Variants in CDH18 observed in about 807,000 individuals in gnomAD.
The protein encoded by CDH18 is cadherin 18, also known as cadherin-18.
CDH18 carries 31 observed loss-of-function variants against 67.9 expected under a neutral mutation model. The observed-to-expected ratio is 0.46, with a 90% CI of 0.34 to 0.62. CDH18 has a LOEUF of 0.62. CDH18 is among the 20% of genes least tolerant of loss of function. CDH18 has a pLI of 0.01. For synonymous variants in CDH18, 362 were observed against 347.2 expected, an observed-to-expected ratio of 1.04 and a Z score of -0.48; for missense variants, 890 against 975.5, an observed-to-expected ratio of 0.91 and a Z score of 1.17.
chr5:19,702,676 G>A (rs944511801), intron 5 of CDH18, among the ~76,000 whole-genome samples: 4 of 152,006 alleles, frequency 2.6e-5, no homozygotes, highest in Non-Finnish European at 5.9e-5. Context: ...GCTGACTCAC[G>A]AGAATCACTT....
intron 1 of CDH18, chr5:20,331,519 T>C (rs1739185981): frequency 6.6e-6 from 1 of 152,206 alleles, no homozygotes; most frequent in African/African-American, 2.4e-5. Context: ...GAAAGTCCTA[T>C]TGTATATTCA....
intron 1 of CDH18, among the ~76,000 whole-genome samples, chr5:20,491,825 G>A (rs2126389520): frequency 6.6e-6 from 1 of 152,204 alleles, no homozygotes; most frequent in East Asian, 1.9e-4. Context: ...GGACACTACT[G>A]CCTAGCCACA....
chr5:19,914,020 T>C (rs768916585), intron 2 of CDH18, among the ~76,000 whole-genome samples: 4 of 152,128 alleles, frequency 2.6e-5, no homozygotes, highest in Non-Finnish European at 5.9e-5. Context: ...ATTAGGATCA[T>C]AGAGCAGATA....
At chr5:19,475,660 T>C (rs1443953000) in intron 12 of CDH18, among the ~76,000 whole-genome samples, 1 of 152,056 alleles carries the variant, frequency 6.6e-6, no homozygotes, top group African/African-American at 2.4e-5. Flanking sequence ...CCAAATATTA[T>C]TATATTATTC....
At chr5:20,175,725 T>C (rs890513778) in intron 2 of CDH18, among the ~76,000 whole-genome samples, 1 of 152,084 alleles carries the variant, frequency 6.6e-6, no homozygotes, top group Admixed American at 6.6e-5. Context: ...CAGAGAAAGA[T>C]GTAGGCTGGG....
At chr5:19,539,106 A>G (rs1265682880) in intron 9 of CDH18, among the ~76,000 whole-genome samples, 1 of 152,200 alleles carries the variant, frequency 6.6e-6, no homozygotes, top group Non-Finnish European at 1.5e-5. Context: ...TCATTTCTAA[A>G]TACAGTCTCC....
In CDH18 at chr5:20,421,826, T is replaced by C. The variant is rs189846986; in HGVS notation, c.-580+153636A>G. Among the ~76,000 whole-genome samples the C allele has an allele frequency of 5.5e-3, 769 of 138,658 alleles. 15 individuals carry two copies. The highest frequency in any genetic ancestry group is 0.048 in the Admixed American group (640 of 13,302). The allele number at this position is 138,658 out of a possible 152,430, so 91.0% of individuals were successfully genotyped here. ...CATAAATTATATATGTATATATCAA[T>C]CATATATATATATATACACATGTAT... On this transcript the variant is annotated intron_variant, in intron 1 of 14. Transcript: ENST00000507958.
intron 2 of CDH18, among the ~76,000 whole-genome samples, chr5:20,162,482 T>C (rs1018366478): frequency 3.9e-5 from 5 of 129,702 alleles, no homozygotes; most frequent in Non-Finnish European, 7.9e-5. Flanking sequence ...TATATGGTAA[T>C]AGACATATAT....
intron 7 of CDH18, among the ~76,000 whole-genome samples, chr5:19,587,927 A>AT (rs1744453726): frequency 6.6e-6 from 1 of 151,674 alleles, no homozygotes; most frequent in African/African-American, 2.4e-5. Context: ...TGAGCATGGA[A>AT]TTTTTTTCGT....
chr5:20,024,496 T>C (rs140550438), intron 2 of CDH18, among the ~76,000 whole-genome samples: 3 of 152,206 alleles, frequency 2.0e-5, no homozygotes, highest in East Asian at 1.9e-4. Context: ...TTTTAAACTA[T>C]AGAAACATGT....
chr5:19,531,609 T>C (rs915612425), intron 9 of CDH18, among the ~76,000 whole-genome samples: 1 of 148,706 alleles, frequency 6.7e-6, no homozygotes, highest in Non-Finnish European at 1.5e-5. Context: ...ATGTGTGTTC[T>C]CACACACACA....
At chr5:20,171,505 T>C (rs1391307222) in intron 2 of CDH18, among the ~76,000 whole-genome samples, 1 of 152,046 alleles carries the variant, frequency 6.6e-6, no homozygotes, top group Non-Finnish European at 1.5e-5. Flanking sequence ...GTTGGCCACA[T>C]GTATGTCTTC....
chr5:19,481,329 G>A (rs1012498283), intron 12 of CDH18, among the ~76,000 whole-genome samples: 1 of 152,106 alleles, frequency 6.6e-6, no homozygotes, highest in African/African-American at 2.4e-5. Context: ...TTATATTTGA[G>A]GCCATTCTAA....
chr5:19,473,786 G>A (rs1737980139), intron 12 of CDH18, 70 bp from the exon 13 acceptor site: 2 of 1,296,646 alleles, frequency 1.5e-6, no homozygotes, highest in African/African-American at 1.5e-5. Context: ...TTTTACAACA[G>A]CAATTTCCCA....
chr5:19,686,707 T>C (rs757088135), intron 5 of CDH18, among the ~76,000 whole-genome samples: 36 of 152,148 alleles, frequency 2.4e-4, no homozygotes, highest in Non-Finnish European at 1.3e-4. Context: ...CAGAACAAGA[T>C]TTACAGCTGA....
chr5:20,241,861 A>AAAAAAT, intron 2 of CDH18, among the ~76,000 whole-genome samples: 1 of 127,288 alleles, frequency 7.9e-6, no homozygotes, highest in Non-Finnish European at 1.6e-5. Context: ...CAAAAAAAAA[A>AAAAAAT]AAAATAAAAT....
chr5:20,316,667 G>A (rs1422669920), intron 1 of CDH18, among the ~76,000 whole-genome samples: 2 of 151,908 alleles, frequency 1.3e-5, no homozygotes, highest in Admixed American at 6.6e-5. Flanking sequence ...CCTTGGAGAA[G>A]AAAGAAGACA....
At chr5:20,418,792 C>T (rs911908225) in intron 1 of CDH18, among the ~76,000 whole-genome samples, 4 of 151,944 alleles carry the variant, frequency 2.6e-5, no homozygotes, top group Admixed American at 6.6e-5. Context: ...GTTTGTGTCA[C>T]CCCAAAATCA....
intron 6 of CDH18, among the ~76,000 whole-genome samples, chr5:19,601,839 G>GA (rs1019895737): frequency 1.7e-4 from 25 of 150,718 alleles, no homozygotes; most frequent in African/African-American, 6.1e-4. Flanking sequence ...ACAGAATAAA[G>GA]AAAAAAATCA....
Sources: gnomAD v4.1 joint callset for allele counts (sites outside exome capture counted in the v4.1 genomes callset) on GRCh38, gnomAD v4.1.1 for gene constraint, MANE v1.5 for transcripts, NCBI Gene and HGNC (gene_info 2026-07-23, HGNC 2026-07-21) for gene names.